The following PRELID2 variants were observed in gnomAD, a reference collection of about 807,000 sequenced individuals.
The protein encoded by PRELID2 is PRELI domain containing 2, also known as PRELI domain-containing protein 2.
In PRELID2, 25 loss-of-function variants were observed where a neutral mutation model predicts 28.4. The observed-to-expected ratio is 0.88, with a 90% CI of 0.64 to 1.23. PRELID2 has a LOEUF of 1.23. Ranked by LOEUF, PRELID2 falls within the 50% of genes most tolerant of loss-of-function variation. The pLI, the probability that PRELID2 is intolerant of heterozygous loss-of-function variation, is 0.00. For synonymous variants in PRELID2, 76 were observed against 71.6 expected (o/e 1.06, Z -0.31); for missense variants, 201 against 214.4 (o/e 0.94, Z 0.39).
At chr5:145,284,190 G>A in the PRELID2 span, among the ~76,000 whole-genome samples, 1 of 152,130 alleles carries the variant, frequency 6.6e-6, no homozygotes, top group East Asian at 1.9e-4. Context: ...CTGACACATA[G>A]TATGTATTCA....
At chr5:145,815,691 A>C (rs1191585621) in intron 4 of PRELID2, among the ~76,000 whole-genome samples, 1 of 152,212 alleles carries the variant, frequency 6.6e-6, no homozygotes, top group East Asian at 1.9e-4. Flanking sequence ...GCCTTCTTTC[A>C]TTTAGCATAT....
chr5:145,663,632 A>G (rs1459708206), intron 1 of PRELID2, among the ~76,000 whole-genome samples: 1 of 152,152 alleles, frequency 6.6e-6, no homozygotes, highest in African/African-American at 2.4e-5. Flanking sequence ...TGTCTCCATT[A>G]ATAAGTCTTT....
At chr5:145,712,419 T>C (rs1213328452) in intron 1 of PRELID2, among the ~76,000 whole-genome samples, 3 of 152,176 alleles carry the variant, frequency 2.0e-5, no homozygotes, top group Non-Finnish European at 4.4e-5. Context: ...TAGTTTGAAA[T>C]TGGCAAGGGT....
chr5:145,598,779 G>T (rs1397841088), intron 1 of PRELID2, among the ~76,000 whole-genome samples: 1 of 152,042 alleles, frequency 6.6e-6, no homozygotes, highest in East Asian at 1.9e-4. Flanking sequence ...GAAAAAAGAA[G>T]AATATATATC....
chr5:145,615,698 T>C (rs1201657312), intron 1 of PRELID2, among the ~76,000 whole-genome samples: 1 of 152,192 alleles, frequency 6.6e-6, no homozygotes, highest in Non-Finnish European at 1.5e-5. Context: ...ATCTTTTAAG[T>C]GGAGCATTTA....
chr5:145,576,935 A>C (rs911657065), intron 1 of PRELID2, among the ~76,000 whole-genome samples: 1 of 152,122 alleles, frequency 6.6e-6, no homozygotes, highest in African/African-American at 2.4e-5. Context: ...AAAACATGTA[A>C]AATTATATCC....
chr5:145,662,555 G>A (rs546904610), intron 1 of PRELID2, among the ~76,000 whole-genome samples: 32 of 152,280 alleles, frequency 2.1e-4, no homozygotes, highest in African/African-American at 7.5e-4. Context: ...GCAGTATTGA[G>A]AGGTAGGGCT....
chr5:145,456,141 A>T, the PRELID2 span, among the ~76,000 whole-genome samples: 1 of 152,200 alleles, frequency 6.6e-6, no homozygotes, highest in Non-Finnish European at 1.5e-5. Flanking sequence ...ACTGAGCTAT[A>T]AGGAGTTATG....
At chr5:145,696,064 T>C (rs1755254156) in intron 1 of PRELID2, among the ~76,000 whole-genome samples, 1 of 151,716 alleles carries the variant, frequency 6.6e-6, no homozygotes, top group Non-Finnish European at 1.5e-5. Flanking sequence ...AATATGCATA[T>C]ATAAATATAA....
At position 145,765,006 on chromosome 5, in the gene PRELID2, G is replaced by T; in HGVS notation, c.475-6C>A. ...ATCTCCATGATTCTAATTCCCTATAGAAAGAAGGAAAAAAAATTAAAATGC... is the reference window on the plus strand; with the variant it reads ...ATCTCCATGATTCTAATTCCCTATATAAAGAAGGAAAAAAAATTAAAATGC... On this transcript the variant is annotated splice_region_variant and splice_polypyrimidine_tract_variant and intron_variant, in intron 5 of 6. Coordinates refer to ENST00000683046, the MANE Select transcript of PRELID2 (RefSeq NM_205846.3). 1 of 1,583,524 alleles carries T rather than the reference G, an allele frequency of 6.3e-7. No homozygotes were observed. The highest frequency in any genetic ancestry group is 8.6e-7 in the Non-Finnish European group (1 of 1,165,770).
At chr5:145,324,495 T>G in the PRELID2 span, among the ~76,000 whole-genome samples, 3 of 152,186 alleles carry the variant, frequency 2.0e-5, no homozygotes, top group Non-Finnish European at 2.9e-5. Context: ...AGTTCCTTGT[T>G]TCTGGAACAA....
intron 2 of PRELID2, among the ~76,000 whole-genome samples, chr5:145,821,571 T>C (rs1346871297): frequency 6.6e-6 from 1 of 152,218 alleles, no homozygotes; most frequent in Non-Finnish European, 1.5e-5. Context: ...CACTGTGACT[T>C]AGCCATGCTG....
At chr5:145,632,785 C>T (rs1419854930) in intron 1 of PRELID2, among the ~76,000 whole-genome samples, 1 of 152,030 alleles carries the variant, frequency 6.6e-6, no homozygotes, top group Non-Finnish European at 1.5e-5. Flanking sequence ...CATTATATGG[C>T]AGAAGGGATT....
chr5:145,275,578 A>C, the PRELID2 span, among the ~76,000 whole-genome samples: 2 of 152,256 alleles, frequency 1.3e-5, no homozygotes, highest in East Asian at 3.9e-4. Flanking sequence ...AGAAGAAAAC[A>C]GATTTGTGCA....
chr5:145,379,403 G>A, the PRELID2 span, among the ~76,000 whole-genome samples: 1 of 152,140 alleles, frequency 6.6e-6, no homozygotes, highest in Non-Finnish European at 1.5e-5. Flanking sequence ...GGGGTGAGGG[G>A]CTCCTTCTGG....
the PRELID2 span, among the ~76,000 whole-genome samples, chr5:145,444,363 A>C: frequency 6.6e-6 from 1 of 152,014 alleles, no homozygotes; most frequent in South Asian, 2.1e-4. Flanking sequence ...CTTGAAGAGA[A>C]TTCCCCATGG....
At chr5:145,498,616 G>A (rs182028620) in intron 1 of PRELID2, among the ~76,000 whole-genome samples, 37 of 152,154 alleles carry the variant, frequency 2.4e-4, no homozygotes, top group African/African-American at 5.8e-4. Flanking sequence ...TGTAACCTCC[G>A]CCTCCCGGTT....
chr5:145,748,706 G>A (rs941895589), intron 1 of PRELID2, among the ~76,000 whole-genome samples: 1 of 152,022 alleles, frequency 6.6e-6, no homozygotes, highest in African/African-American at 2.4e-5. Context: ...GAGGCAACAC[G>A]CTACCTGACT....
At chr5:145,402,254 T>G in the PRELID2 span, among the ~76,000 whole-genome samples, 3 of 152,148 alleles carry the variant, frequency 2.0e-5, no homozygotes, top group African/African-American at 4.8e-5. Flanking sequence ...CAAAACTGGC[T>G]TTTCTTGAGT....
Sources: allele counts gnomAD v4.1 joint callset (sites outside exome capture counted in the v4.1 genomes callset), GRCh38; gene constraint gnomAD v4.1.1; transcripts MANE v1.5; gene names NCBI Gene and HGNC (gene_info 2026-07-23, HGNC 2026-07-21).